The following LRP2 variants were observed in gnomAD, a reference collection of about 807,000 sequenced individuals.
LRP2 encodes LDL receptor related protein 2, also known as low-density lipoprotein receptor-related protein 2.
Under a neutral mutation model 531.0 loss-of-function variants are expected in LRP2, and 172 were observed. The ratio of observed to expected loss-of-function variants is 0.32; its 90% CI spans 0.29 to 0.37. LRP2 has a LOEUF of 0.37. LRP2 is among the 10% of genes least tolerant of loss of function. The pLI is 1.00. For synonymous variants in LRP2, 1,992 were observed against 2,027.6 expected (o/e 0.98, Z 0.47); for missense variants, 5,167 against 5,868.3 (o/e 0.88, Z 3.90).
intron 19 of LRP2, among the ~76,000 whole-genome samples, chr2:169,254,688 T>A (rs1690234092): frequency 6.7e-6 from 1 of 148,670 alleles, no homozygotes; most frequent in South Asian, 2.2e-4. Context: ...AAATAATTAT[T>A]GCTATTTTGG....
intron 16 of LRP2, among the ~76,000 whole-genome samples, chr2:169,268,731 T>C (rs1683308463): frequency 6.6e-6 from 1 of 152,176 alleles, no homozygotes; most frequent in African/African-American, 2.4e-5. Context: ...CTACTCAGCA[T>C]AGTGTTGGAA....
In LRP2 at chr2:169,294,661, G is replaced by A; in HGVS notation, c.477C>T (p.Asn159=). 3 of 1,587,506 alleles carry A rather than the reference G, an allele frequency of 1.9e-6. No individual in the cohort carries two copies. Among genetic ancestry groups the A allele is most frequent in the Non-Finnish European group, 2.6e-6 (3 of 1,166,396 alleles). The change falls in exon 5 of 79, where the codon AAC becomes AAT. Residue 159 remains asparagine, a synonymous_variant. Transcript: ENST00000649046. ...QLTCDNGACY[N]TSQKCDWKVD... is the part of the protein sequence containing the mutation. ...CTTTCCAATCACACTTCTGACTGGT[G>A]TTATAGCAGGCCCCATTGTCACAAG...
At chr2:169,343,168 C>G (rs900786330) in intron 1 of LRP2, among the ~76,000 whole-genome samples, 2 of 152,166 alleles carry the variant, frequency 1.3e-5, no homozygotes, top group Non-Finnish European at 2.9e-5. Context: ...ATGCACAGGA[C>G]ACCTAAAATG....
intron 4 of LRP2, among the ~76,000 whole-genome samples, chr2:169,300,070 TA>T (rs1313319173): frequency 6.6e-6 from 1 of 152,090 alleles, no homozygotes; most frequent in Non-Finnish European, 1.5e-5. Context: ...AATTAAAAGG[TA>T]AACAAAATTA....
intron 19 of LRP2, among the ~76,000 whole-genome samples, chr2:169,255,828 A>G (rs1690282311): frequency 6.6e-6 from 1 of 152,164 alleles, no homozygotes; most frequent in Non-Finnish European, 1.5e-5. Flanking sequence ...AGTACTTGGG[A>G]TGTTGAATTG....
chr2:169,193,819 G>A lies in LRP2; in HGVS notation c.8772C>T (p.Ile2924=). The change falls in exon 47 of 79, where the codon ATC becomes ATT. Residue 2924 remains isoleucine (I), a synonymous_variant. Transcript: ENST00000649046. ...DGGRCIPSEW[I]CDGDNDCGDM... ...CCCCACAGTCATTATCACCGTCACA[G>A]ATCCATTCGCTTGGGATGCACCTCC... is the stretch of plus-strand genomic sequence containing the variant. 1 of 1,614,146 alleles carries A rather than the reference G, an allele frequency of 6.2e-7. No homozygotes were observed. The highest frequency in any genetic ancestry group is 1.1e-5 in the South Asian group (1 of 91,074).
chr2:169,173,097 A>G lies in LRP2; in HGVS notation c.11142T>C (p.Cys3714=), dbSNP rs1353851304. The G allele has an allele frequency of 6.2e-7, 1 of 1,613,918 alleles. No homozygotes were observed. The highest frequency in any genetic ancestry group is 8.5e-7 in the Non-Finnish European group (1 of 1,180,022). ...DCRDNSDEQG[C]EERTCHPVGD... is the part of the protein sequence containing the mutation. ...CCACTCCCCTGTGGCCCCTCCTACC[A>G]CAGCCTTGCTCATCACTGTTGTCCC... Residue 3714 remains cysteine (C), a splice_region_variant and synonymous_variant, in exon 57 of 79, where the codon TGT becomes TGC. Transcript: ENST00000649046.
At chr2:169,248,454 C>A (rs1279446146) in intron 19 of LRP2, among the ~76,000 whole-genome samples, 1 of 152,216 alleles carries the variant, frequency 6.6e-6, no homozygotes, top group East Asian at 1.9e-4. Context: ...CCACTACTAA[C>A]AAAGGCATCC....
intron 48 of LRP2, among the ~76,000 whole-genome samples, chr2:169,191,048 C>A (rs1687812342): frequency 6.6e-6 from 1 of 152,226 alleles, no homozygotes; most frequent in Non-Finnish European, 1.5e-5. Context: ...TGAGCCGAAT[C>A]TGTTTGATCC....
At position 169,362,407 on chromosome 2, in the gene LRP2, A is replaced by G. The variant is rs1445549838; in HGVS notation, c.-8T>C. On this transcript the variant is annotated 5_prime_UTR_variant, in exon 1 of 79. Coordinates refer to ENST00000649046, the MANE Select transcript of LRP2 (RefSeq NM_004525.3). ...TGCCGGCCCGCGATCCATCTCCGCG[A>G]CGGTCCCCGGCCTCGCCGTTCCTTC... 6.4e-7 allele frequency: 1 copy of G among 1,554,576 alleles called. No homozygotes were observed. The highest frequency in any genetic ancestry group is 1.2e-5 in the South Asian group (1 of 84,538).
Position 169,244,744 on chromosome 2 carries a change from C to G in LRP2, c.3379G>C (p.Val1127Leu). The part of the protein sequence containing the change: ...DNHQCISKNW[V>L]CDTDNDCGDG... ...CCACAATCATTGTCTGTGTCACAGA[C>G]CCAGTTCTTTGAGATACACTGGTGA... The change falls in exon 22 of 79, where the codon GTC becomes CTC. Residue 1127 changes from valine (V) to leucine (L), a missense_variant. Coordinates refer to ENST00000649046, the MANE Select transcript of LRP2 (RefSeq NM_004525.3). The G allele has an allele frequency of 6.2e-7, 1 of 1,614,168 alleles. No individual in the cohort carries two copies. The highest frequency in any genetic ancestry group is 8.5e-7 in the Non-Finnish European group (1 of 1,180,004).
intron 1 of LRP2, among the ~76,000 whole-genome samples, chr2:169,327,354 T>A (rs1574261092): frequency 9.2e-6 from 1 of 109,184 alleles, no homozygotes; most frequent in African/African-American, 3.7e-5. Flanking sequence ...ATCCGGGAGG[T>A]GAGGGGCGCC....
In LRP2 at chr2:169,185,844, C is replaced by T. The variant is rs745535670; in HGVS notation, c.9504G>A (p.Glu3168=). ...TACAGATGTAGGAGCCTATTACATTCTCACACTTCTGGCTACAGACAAAAG... is the reference window on the plus strand; with the variant it reads ...TACAGATGTAGGAGCCTATTACATTTTCACACTTCTGGCTACAGACAAAAG... The part of the protein sequence containing the change: ...EMPFVCSQKC[E]NVIGSYICKC... Residue 3168 remains glutamate, a synonymous_variant, in exon 50 of 79, where the codon GAG becomes GAA. Transcript: ENST00000649046. 13 of 1,613,954 alleles carry T rather than the reference C, an allele frequency of 8.1e-6. No homozygotes were observed. In the East Asian group the frequency reaches 2.9e-4, roughly 36 times the overall value.
chr2:169,315,009 T>C (rs1684719308), intron 3 of LRP2, among the ~76,000 whole-genome samples: 1 of 152,244 alleles, frequency 6.6e-6, no homozygotes, highest in Admixed American at 6.5e-5. Flanking sequence ...ACCTTGGCTT[T>C]CTTCTTTACG....
intron 1 of LRP2, among the ~76,000 whole-genome samples, chr2:169,349,372 T>C (rs542819863): frequency 4.6e-5 from 7 of 151,996 alleles, no homozygotes; most frequent in African/African-American, 1.7e-4. Context: ...GGCCCAAAAG[T>C]GCTCACCATG....
chr2:169,321,738 C>CAAAA (rs1332712264), intron 1 of LRP2, among the ~76,000 whole-genome samples: 2 of 151,836 alleles, frequency 1.3e-5, no homozygotes, highest in African/African-American at 4.8e-5. Context: ...ACCAAAGAGC[C>CAAAA]AAAAACAAAA....
chr2:169,178,031 A>C lies in LRP2; in HGVS notation c.10170-5T>G. ...TGGCCCTCCAAATCAGAGTACCTGCAGCAGTAAGCAGAAACAGTTATGTGA... is the reference window on the plus strand; with the variant it reads ...TGGCCCTCCAAATCAGAGTACCTGCCGCAGTAAGCAGAAACAGTTATGTGA... On this transcript the variant is annotated splice_region_variant and splice_polypyrimidine_tract_variant and intron_variant, in intron 52 of 78. Transcript: ENST00000649046. 6.2e-7 allele frequency: 1 copy of C among 1,603,512 alleles called. No individual in the cohort carries two copies. The highest frequency in any genetic ancestry group is 1.9e-4 in the Middle Eastern group (1 of 5,242).
chr2:169,341,879 T>A (rs899112815), intron 1 of LRP2, among the ~76,000 whole-genome samples: 1 of 152,170 alleles, frequency 6.6e-6, no homozygotes, highest in Non-Finnish European at 1.5e-5. Flanking sequence ...ACCAATAGCA[T>A]CCCTTTCTGC....
Position 169,205,486 on chromosome 2 carries a change from C to T in LRP2, c.7708G>A (p.Ala2570Thr), listed in dbSNP as rs1160326463. 5.6e-6 allele frequency: 9 copies of T among 1,614,140 alleles called. No individual in the cohort carries two copies. The highest frequency in any genetic ancestry group is 7.6e-6 in the Non-Finnish European group (9 of 1,179,998). The change falls in exon 41 of 79, where the codon GCT (alanine) becomes ACT (threonine). Residue 2570 changes from alanine to threonine, a missense_variant. Around this residue, in one of 6 missense-constraint regions of LRP2, gnomAD observed 1,129 missense variants for 1,362.7 expected, o/e 0.83. Coordinates refer to ENST00000649046, the MANE Select transcript of LRP2 (RefSeq NM_004525.3). Reference sequence around the variant, plus strand: ...GTAACCAGAGACACCTACAGACTAGCATCCACCCAGTAGAGAAGGTCCTCT... The same window carrying T: ...GTAACCAGAGACACCTACAGACTAGTATCCACCCAGTAGAGAAGGTCCTCT... The part of the protein sequence containing the change: ...YEEDLLYWVD[A>T]SLQRIERSTL...
Sources: allele counts gnomAD v4.1 joint callset (sites outside exome capture counted in the v4.1 genomes callset), GRCh38; gene constraint gnomAD v4.1.1; regional missense constraint gnomAD v4.1.1; transcripts MANE v1.5; gene names NCBI Gene and HGNC (gene_info 2026-07-23, HGNC 2026-07-21).